SOX5: variants seen among roughly 807,000 people sequenced by gnomAD.
SOX5 encodes SRY-box transcription factor 5, also known as transcription factor SOX-5.
A neutral mutation model predicts 92.0 loss-of-function variants in SOX5; 9 were observed. The ratio of observed to expected loss-of-function variants is 0.10; its 90% CI spans 0.06 to 0.17. The LOEUF is 0.17. Ranked by LOEUF, SOX5 falls within the 10% of genes least tolerant of loss-of-function variation. The pLI, the probability that SOX5 is intolerant of heterozygous loss-of-function variation, is 1.00. For synonymous variants in SOX5, 344 were observed against 336.3 expected (o/e 1.02, Z -0.25); for missense variants, 642 against 944.5 (o/e 0.68, Z 4.20).
intron 1 of SOX5, among the ~76,000 whole-genome samples, chr12:24,509,723 T>G (rs1949127187): frequency 1.3e-5 from 2 of 152,202 alleles, no homozygotes; most frequent in Admixed American, 1.3e-4. Flanking sequence ...GGCCTTCACT[T>G]GTATTTGTGT....
At chr12:23,633,176 A>C (rs2078773087) in intron 8 of SOX5, among the ~76,000 whole-genome samples, 1 of 152,172 alleles carries the variant, frequency 6.6e-6, no homozygotes, top group Non-Finnish European at 1.5e-5. Context: ...TTATAAAGTG[A>C]GAAGTAAGTG....
intron 3 of SOX5, among the ~76,000 whole-genome samples, chr12:23,770,557 T>C (rs1336732184): frequency 1.3e-5 from 2 of 152,160 alleles, no homozygotes; most frequent in African/African-American, 2.4e-5. Flanking sequence ...GATTTTTTTT[T>C]CAACATGCTC....
chr12:24,104,124 A>G (rs772877172), intron 4 of SOX5, among the ~76,000 whole-genome samples: 15 of 152,228 alleles, frequency 9.9e-5, no homozygotes, highest in Non-Finnish European at 1.8e-4. Flanking sequence ...AATTTTATCT[A>G]TGTTATTGGT....
At chr12:24,409,466 A>C (rs1048802595) in intron 1 of SOX5, among the ~76,000 whole-genome samples, 1 of 152,066 alleles carries the variant, frequency 6.6e-6, no homozygotes, top group Non-Finnish European at 1.5e-5. Context: ...AGAAAAAATA[A>C]TTTTTTTTAA....
At chr12:24,469,108 C>T (rs1346120479) in intron 1 of SOX5, among the ~76,000 whole-genome samples, 1 of 152,138 alleles carries the variant, frequency 6.6e-6, no homozygotes, top group Non-Finnish European at 1.5e-5. Context: ...TAGGCGGTCC[C>T]ATCTGGGTGT....
At chr12:23,776,885 C>T (rs893578955) in intron 3 of SOX5, among the ~76,000 whole-genome samples, 3 of 152,292 alleles carry the variant, frequency 2.0e-5, no homozygotes, top group East Asian at 1.9e-4. Context: ...TACTGGTCAG[C>T]GGTCCAGGGG....
At chr12:23,806,959 T>C (rs998034844) in intron 3 of SOX5, among the ~76,000 whole-genome samples, 1 of 152,174 alleles carries the variant, frequency 6.6e-6, no homozygotes, top group Non-Finnish European at 1.5e-5. Context: ...CCTTTCAGCA[T>C]GATTTCTAAC....
intron 4 of SOX5, among the ~76,000 whole-genome samples, chr12:24,056,756 A>C (rs1178410252): frequency 1.3e-5 from 2 of 151,690 alleles, no homozygotes; most frequent in East Asian, 3.9e-4. Context: ...CGGGCGGATC[A>C]CGAGGTCAGG....
At chr12:24,205,659 T>G (rs954298337) in intron 4 of SOX5, among the ~76,000 whole-genome samples, 63 of 152,294 alleles carry the variant, frequency 4.1e-4, no homozygotes, top group Middle Eastern at 3.4e-3. Context: ...CAGAGCTAAT[T>G]CTATATTAAT....
chr12:24,495,658 T>C (rs1383270089), intron 1 of SOX5, among the ~76,000 whole-genome samples: 2 of 152,140 alleles, frequency 1.3e-5, no homozygotes, highest in African/African-American at 4.8e-5. Context: ...GGTTCAAGGG[T>C]CTGATTAAAG....
chr12:23,848,959 A>G (rs2096602656), intron 2 of SOX5, among the ~76,000 whole-genome samples: 1 of 152,210 alleles, frequency 6.6e-6, no homozygotes, highest in South Asian at 2.1e-4. Context: ...CAACCAATAG[A>G]AAAAGGATCT....
chr12:24,209,681 A>G (rs1311081171), intron 4 of SOX5, among the ~76,000 whole-genome samples: 1 of 152,192 alleles, frequency 6.6e-6, no homozygotes, highest in Non-Finnish European at 1.5e-5. Flanking sequence ...TACTTTTTAA[A>G]TATTTATTTT....
intron 6 of SOX5, among the ~76,000 whole-genome samples, chr12:23,709,716 T>G (rs955934631): frequency 3.4e-4 from 52 of 152,210 alleles, no homozygotes; most frequent in African/African-American, 1.2e-3. Flanking sequence ...AGGTTGTGTA[T>G]GGTATGTGTT....
chr12:24,285,634 G>A (rs898303979), intron 2 of SOX5, among the ~76,000 whole-genome samples: 1 of 152,142 alleles, frequency 6.6e-6, no homozygotes, highest in Non-Finnish European at 1.5e-5. Flanking sequence ...TTTTCCAGTG[G>A]TAGGTGGCAG....
At chr12:23,906,453 T>C (rs1037799302) in intron 1 of SOX5, among the ~76,000 whole-genome samples, 6 of 152,200 alleles carry the variant, frequency 3.9e-5, no homozygotes, top group Non-Finnish European at 5.9e-5. Context: ...TAGACTTTTT[T>C]CCCCCTTCTC....
chr12:24,073,228 T>C, intron 4 of SOX5, among the ~76,000 whole-genome samples: 1 of 152,208 alleles, frequency 6.6e-6, no homozygotes, highest in East Asian at 1.9e-4. Flanking sequence ...ACAGATGCAT[T>C]TGGAGAACAT....
chr12:24,084,022 A>C (rs371909575), intron 4 of SOX5, among the ~76,000 whole-genome samples: 18 of 152,130 alleles, frequency 1.2e-4, no homozygotes, highest in African/African-American at 3.6e-4. Flanking sequence ...GTGTTTCTGC[A>C]GTGCAAGAGG....
chr12:24,507,811 A>G (rs1397334881), intron 1 of SOX5, among the ~76,000 whole-genome samples: 1 of 152,024 alleles, frequency 6.6e-6, no homozygotes, highest in Non-Finnish European at 1.5e-5. Context: ...AGGATGATAA[A>G]TGAAACAGTA....
intron 1 of SOX5, among the ~76,000 whole-genome samples, chr12:24,422,561 T>C (rs1005947689): frequency 6.6e-6 from 1 of 152,214 alleles, no homozygotes; most frequent in African/African-American, 2.4e-5. Context: ...TTTAGGGTTG[T>C]CTGCACAGTT....
Sources: gnomAD v4.1 joint callset for allele counts (sites outside exome capture counted in the v4.1 genomes callset) on GRCh38, gnomAD v4.1.1 for gene constraint, MANE v1.5 for transcripts, NCBI Gene and HGNC (gene_info 2026-07-23, HGNC 2026-07-21) for gene names.